The following KIF13A variants were observed in gnomAD, a reference collection of about 807,000 sequenced individuals.
The protein encoded by KIF13A is kinesin-like protein KIF13A.
Under a neutral mutation model 212.2 loss-of-function variants are expected in KIF13A, and 79 were observed. The ratio of observed to expected loss-of-function variants is 0.37; its 90% CI spans 0.31 to 0.45. KIF13A has a LOEUF of 0.45. KIF13A is among the 20% of genes least tolerant of loss of function. The probability of loss-of-function intolerance (pLI) is 1.00; values close to 1 mark genes in which losing one functional copy is unlikely to be tolerated. For missense variants in KIF13A, 1,901 were observed against 2,209.0 expected, an observed-to-expected ratio of 0.86 and a Z score of 2.79; for synonymous variants, 789 against 808.6, an observed-to-expected ratio of 0.98 and a Z score of 0.41.
Position 17,789,689 on chromosome 6 carries a change from T to A in KIF13A, c.3261+183A>T, listed in dbSNP as rs987699666. On this transcript the variant is annotated intron_variant, in intron 26 of 38. Coordinates refer to ENST00000259711, the MANE Select transcript of KIF13A (RefSeq NM_022113.6). The surrounding 1 kb of genome is among the most constrained non-coding windows in gnomAD (Gnocchi z 4.8). Reference sequence around the variant, plus strand: ...CAATATTTAGTTATAAATTTTGAACTGACAAGGCATCTATAGAAATAATAT... The same window carrying A: ...CAATATTTAGTTATAAATTTTGAACAGACAAGGCATCTATAGAAATAATAT... Among the ~76,000 whole-genome samples, 6 of 152,232 alleles carry A rather than the reference T, an allele frequency of 3.9e-5. No individual in the cohort carries two copies. Among genetic ancestry groups the A allele is most frequent in the Non-Finnish European group, 7.3e-5 (5 of 68,048 alleles).
chr6:17,772,533 C>A lies in KIF13A; in HGVS notation c.4325-474G>T, dbSNP rs1924466. 0.5 allele frequency among the ~76,000 whole-genome samples: 76,629 copies of A among 152,152 alleles called. 20,100 individuals carry two copies. The highest frequency in any genetic ancestry group is 0.64 in the African/African-American group (26,733 of 41,528). ...TCTGTGATGTCACAAAGAGTTACTA[C>A]AGTGCTAGTCTGTGTGAACAAAGTG... On this transcript the variant is annotated intron_variant, in intron 36 of 38. Coordinates refer to ENST00000259711, the MANE Select transcript of KIF13A (RefSeq NM_022113.6). This position sits in a 1 kb window ranked among gnomAD's most constrained non-coding sequence, Gnocchi z 4.8.
Position 17,898,246 on chromosome 6 carries a change from T to C in KIF13A, c.147-66A>G. On this transcript the variant is annotated intron_variant, in intron 2 of 38. Coordinates refer to ENST00000259711, the MANE Select transcript of KIF13A (RefSeq NM_022113.6). The surrounding 1 kb of genome is among the most constrained non-coding windows in gnomAD (Gnocchi z 5.2). ...GAGGGTTGTCAACACAGCAGCCACATCAGAGGGAAACAATGAAAGAGAAAA... is the reference window on the plus strand; with the variant it reads ...GAGGGTTGTCAACACAGCAGCCACACCAGAGGGAAACAATGAAAGAGAAAA... The C allele has an allele frequency of 4.8e-6, 7 of 1,473,608 alleles. No homozygotes were observed. The highest frequency in any genetic ancestry group is 6.6e-6 in the Non-Finnish European group (7 of 1,059,216). The allele number at this position is 1,473,608 out of a possible 1,614,324, so 91.3% of individuals were successfully genotyped here. A position where few individuals can be genotyped will look rare whatever the true frequency, so the allele number is the denominator to read the frequency against.
rs757040529 is a variant in KIF13A, at chr6:17,794,423, G to T, written c.3076-28C>A. 1 of 1,595,960 alleles carries T rather than the reference G, an allele frequency of 6.3e-7. No individual in the cohort carries two copies. Among genetic ancestry groups the T allele is most frequent in the Admixed American group, 1.7e-5 (1 of 58,100 alleles). On this transcript the variant is annotated intron_variant, in intron 24 of 38. Transcript: ENST00000259711. The surrounding 1 kb of genome is among the most constrained non-coding windows in gnomAD (Gnocchi z 4.1). ...GAAGAGGGTGGGGAGGAGTATGGGT[G>T]CCAGGAATGATAATGAAAAGGAACG...
At chr6:17,814,404 G>A (rs1763734345) in intron 17 of KIF13A, among the ~76,000 whole-genome samples, 3 of 151,352 alleles carry the variant, frequency 2.0e-5, no homozygotes, top group South Asian at 4.2e-4. Context: ...GCCCACGACC[G>A]CACCTGACTT....
intron 3 of KIF13A, chr6:17,881,932 G>C (rs1313505548): frequency 1.4e-5 from 6 of 443,694 alleles, no homozygotes; most frequent in Non-Finnish European, 2.7e-5. Context: ...GGAGACTGAG[G>C]TTGCAGTGAG....
intron 11 of KIF13A, among the ~76,000 whole-genome samples, chr6:17,836,349 T>C (rs1032282660): frequency 5.3e-5 from 8 of 152,214 alleles, no homozygotes; most frequent in African/African-American, 1.9e-4. Context: ...AACAACATAC[T>C]TTCCCACTGA....
At position 17,828,546 on chromosome 6, in the gene KIF13A, A is replaced by T. The variant is rs952685154; in HGVS notation, c.1402-176T>A. Among the ~76,000 whole-genome samples, 1 of 151,206 alleles carries T rather than the reference A, an allele frequency of 6.6e-6. No individual in the cohort carries two copies. The highest frequency in any genetic ancestry group is 1.5e-5 in the Non-Finnish European group (1 of 68,028). On this transcript the variant is annotated intron_variant, in intron 13 of 38. Transcript: ENST00000259711. The surrounding 1 kb of genome is among the most constrained non-coding windows in gnomAD (Gnocchi z 4.3). ...TAAAACGCTTACCCTTAATACACCAAATTAAAAAAAAATGTTTAAACACTA... is the reference window on the plus strand; with the variant it reads ...TAAAACGCTTACCCTTAATACACCATATTAAAAAAAAATGTTTAAACACTA...
chr6:17,929,214 G>C (rs1397358056), intron 2 of KIF13A, among the ~76,000 whole-genome samples: 1 of 152,028 alleles, frequency 6.6e-6, no homozygotes, highest in Non-Finnish European at 1.5e-5. Context: ...GTGTGTGAGA[G>C]AGACAGAGAG....
At position 17,770,848 on chromosome 6, in the gene KIF13A, A is replaced by G. The variant is rs913140503; in HGVS notation, c.4581+266T>C. Reference sequence around the variant, plus strand: ...GGTATTAAAAAGATCTCTTTGTTACACTTTTTATAAAGGCCAGAAGCAATA... The same window carrying G: ...GGTATTAAAAAGATCTCTTTGTTACGCTTTTTATAAAGGCCAGAAGCAATA... On this transcript the variant is annotated intron_variant, in intron 38 of 38. Transcript: ENST00000259711. 12 of 694,900 alleles carry G rather than the reference A, an allele frequency of 1.7e-5. No individual in the cohort carries two copies. In the East Asian group the frequency reaches 5.7e-4, roughly 33 times the overall value. 43.0% of individuals were successfully genotyped at this position (694,900 alleles called of 1,614,324 possible). A position where few individuals can be genotyped will look rare whatever the true frequency, so the allele number is the denominator to read the frequency against.
chr6:17,939,796 T>C (rs1489575753), intron 2 of KIF13A, among the ~76,000 whole-genome samples: 1 of 152,158 alleles, frequency 6.6e-6, no homozygotes, highest in Non-Finnish European at 1.5e-5. Context: ...CTCACGCTTC[T>C]AATCCCAGCA....
intron 7 of KIF13A, 145 bp downstream of exon 7, chr6:17,851,810 T>C: frequency 4.6e-6 from 2 of 430,666 alleles, no homozygotes; most frequent in South Asian, 7.7e-5. Context: ...TTTTCCTCTC[T>C]GTTTGCGGTG....
intron 18 of KIF13A, among the ~76,000 whole-genome samples, 152 bp from the exon 19 acceptor site, chr6:17,805,767 G>C (rs1046564376): frequency 1.6e-4 from 25 of 152,062 alleles, no homozygotes; most frequent in Non-Finnish European, 2.5e-4. Context: ...GGATAGTCTG[G>C]TTTATTTTCT....
At chr6:17,970,202 G>A (rs887528840) in intron 2 of KIF13A, among the ~76,000 whole-genome samples, 31 of 152,224 alleles carry the variant, frequency 2.0e-4, no homozygotes, top group East Asian at 1.4e-3. Context: ...GATTACAGGC[G>A]TGAGCCACCG....
chr6:17,980,522 C>T (rs1289208375), intron 2 of KIF13A, among the ~76,000 whole-genome samples: 5 of 151,988 alleles, frequency 3.3e-5, no homozygotes, highest in African/African-American at 4.8e-5. Context: ...CAACAGAACA[C>T]GTAAGAAGGG....
chr6:17,954,403 T>C (rs1233505153), intron 2 of KIF13A, among the ~76,000 whole-genome samples: 1 of 152,116 alleles, frequency 6.6e-6, no homozygotes, highest in Admixed American at 6.5e-5. Flanking sequence ...GAGTAGGTGA[T>C]TGAAGGTTTT....
At chr6:17,887,546 TAA>T (rs1204183187) in intron 3 of KIF13A, among the ~76,000 whole-genome samples, 3 of 152,218 alleles carry the variant, frequency 2.0e-5, no homozygotes, top group Non-Finnish European at 4.4e-5. Flanking sequence ...CCTACCAGAT[TAA>T]GTCCAGACTC....
At chr6:17,885,052 T>C (rs763282944) in intron 3 of KIF13A, among the ~76,000 whole-genome samples, 1 of 152,198 alleles carries the variant, frequency 6.6e-6, no homozygotes, top group Non-Finnish European at 1.5e-5. Flanking sequence ...TTTCTTTTAA[T>C]GCCAAGTTTC....
At position 17,816,971 on chromosome 6, in the gene KIF13A, C is replaced by G; in HGVS notation, c.2000+49G>C. On this transcript the variant is annotated intron_variant, in intron 17 of 38. Transcript: ENST00000259711. This position sits in a 1 kb window ranked among gnomAD's most constrained non-coding sequence, Gnocchi z 4.3. Reference sequence around the variant, plus strand: ...TCTCAAAAACCCCTCCCTCAAAGACCCACGGCCTTGGGGCCTTGACTCTGG... The same window carrying G: ...TCTCAAAAACCCCTCCCTCAAAGACGCACGGCCTTGGGGCCTTGACTCTGG... 6.6e-7 allele frequency: 1 copy of G among 1,506,700 alleles called. No homozygotes were observed. Among genetic ancestry groups the G allele is most frequent in the Non-Finnish European group, 9.0e-7 (1 of 1,110,100 alleles). The allele number at this position is 1,506,700 out of a possible 1,614,324, so 93.3% of individuals were successfully genotyped here.
chr6:17,975,322 T>C (rs1161192504), intron 2 of KIF13A, among the ~76,000 whole-genome samples: 1 of 150,266 alleles, frequency 6.7e-6, no homozygotes, highest in Non-Finnish European at 1.5e-5. Flanking sequence ...TCCGAATTAG[T>C]AGGTTCTTGG....
Sources: allele counts gnomAD v4.1 joint callset (sites outside exome capture counted in the v4.1 genomes callset), GRCh38; gene constraint gnomAD v4.1.1; non-coding constraint Gnocchi (gnomAD v3.1); transcripts MANE v1.5; gene names NCBI Gene and HGNC (gene_info 2026-07-23, HGNC 2026-07-21).